The following RBFOX3 variants were observed in gnomAD, a reference collection of about 807,000 sequenced individuals.
RBFOX3 encodes the protein RNA binding fox-1 homolog 3, also known as RNA binding protein fox-1 homolog 3.
RBFOX3 carries 17 observed loss-of-function variants against 48.7 expected under a neutral mutation model. That is an observed-to-expected ratio of 0.35 (90% CI 0.24 to 0.52). RBFOX3 has a LOEUF of 0.52. Ranked by LOEUF, RBFOX3 falls within the 20% of genes least tolerant of loss-of-function variation. RBFOX3 has a pLI of 0.94. For missense variants in RBFOX3, 382 were observed against 497.5 expected, an observed-to-expected ratio of 0.77 and a Z score of 2.21; for synonymous variants, 212 against 209.5, an observed-to-expected ratio of 1.01 and a Z score of -0.10.
At chr17:79,142,575 C>T (rs887425924) in intron 4 of RBFOX3, among the ~76,000 whole-genome samples, 21 of 151,796 alleles carry the variant, frequency 1.4e-4, no homozygotes, top group Middle Eastern at 3.4e-3. Flanking sequence ...CAGCGGGGCA[C>T]GGTGGCGGGA....
intron 1 of RBFOX3, among the ~76,000 whole-genome samples, chr17:79,492,883 G>A (rs1386687100): frequency 1.9e-4 from 29 of 152,344 alleles, no homozygotes; most frequent in African/African-American, 5.1e-4. Context: ...AGAAAGGCCC[G>A]TGAGGAGGGA....
At position 79,495,476 on chromosome 17, in the gene RBFOX3, A is replaced by G. The variant is rs1180658947; in HGVS notation, c.-319-12878T>C. 4.9e-4 allele frequency among the ~76,000 whole-genome samples: 4 copies of G among 8,178 alleles called. No homozygotes were observed. In the South Asian group the frequency reaches 0.017, roughly 34 times the overall value. 5.4% of individuals were successfully genotyped at this position (8,178 alleles called of 152,430 possible). A position where few individuals can be genotyped will look rare whatever the true frequency, so the allele number is the denominator to read the frequency against. Reference sequence around the variant, plus strand: ...AGAGGGGACTGGGACAGGGGTGCAAAAAGGCAAGAAGGTGGGGGAGGGGTG... The same window carrying G: ...AGAGGGGACTGGGACAGGGGTGCAAGAAGGCAAGAAGGTGGGGGAGGGGTG... On this transcript the variant is annotated intron_variant, in intron 1 of 14. Coordinates refer to ENST00000693108, the MANE Select transcript of RBFOX3 (RefSeq NM_001350451.2).
chr17:79,096,752 C>T lies in RBFOX3; in HGVS notation c.837G>A (p.Pro279=). The change falls in exon 12 of 15, where the codon CCG becomes CCA. Residue 279 remains proline, a synonymous_variant. Transcript: ENST00000693108. ...CTGGAGAGGTGGGGTAGGCCGGCTC[C>T]GGTGTCTGCTGAGGAGGGAGGGGGC... The part of the protein sequence containing the change: ...APCPLPPQQT[P]EPAYPTSPAF... The T allele has an allele frequency of 2.0e-6, 3 of 1,493,164 alleles. No homozygotes were observed. Among genetic ancestry groups the T allele is most frequent in the Non-Finnish European group, 2.7e-6 (3 of 1,093,838 alleles). 92.5% of individuals were successfully genotyped at this position (1,493,164 alleles called of 1,614,324 possible). A position where few individuals can be genotyped will look rare whatever the true frequency, so the allele number is the denominator to read the frequency against.
chr17:79,613,803 G>A (rs1599295190), upstream of RBFOX3, among the ~76,000 whole-genome samples: 4 of 152,262 alleles, frequency 2.6e-5, no homozygotes, highest in East Asian at 5.8e-4. Flanking sequence ...GTGAAACGCC[G>A]TCTCTACTAA....
intron 4 of RBFOX3, among the ~76,000 whole-genome samples, chr17:79,231,691 A>T (rs1411752382): frequency 6.6e-6 from 1 of 152,250 alleles, no homozygotes; most frequent in Non-Finnish European, 1.5e-5. Flanking sequence ...TACCATTTTA[A>T]GAAGCATTAA....
chr17:79,402,846 CT>C lies in RBFOX3; in HGVS notation c.-175+79607del, dbSNP rs1390010266. Among the ~76,000 whole-genome samples, 3 of 152,294 alleles carry C rather than the reference CT, an allele frequency of 2.0e-5. No homozygotes were observed. The South Asian group carries it at 6.2e-4, about 32-fold the overall frequency. ...TGGATCCTCAGTTTTCTCATCTCTA[CT>C]ATGGGGGTGTGAGCAGTACCTACCC... On this transcript the variant is annotated intron_variant, in intron 2 of 14. Coordinates refer to ENST00000693108, the MANE Select transcript of RBFOX3 (RefSeq NM_001350451.2).
In RBFOX3 at chr17:79,204,333, C is replaced by T. The variant is rs994580443; in HGVS notation, c.-34+31433G>A. 1.3e-4 allele frequency among the ~76,000 whole-genome samples: 20 copies of T among 152,016 alleles called. No homozygotes were observed. Among genetic ancestry groups the T allele is most frequent in the African/African-American group, 4.6e-4 (19 of 41,382 alleles). Reference sequence around the variant, plus strand: ...GGAGCGGGTACACACCAGCGGGTGCCGGGGAGCAGGGGGCGTAGGTGGGGT... The same window carrying T: ...GGAGCGGGTACACACCAGCGGGTGCTGGGGAGCAGGGGGCGTAGGTGGGGT... On this transcript the variant is annotated intron_variant, in intron 4 of 14. Coordinates refer to ENST00000693108, the MANE Select transcript of RBFOX3 (RefSeq NM_001350451.2). The surrounding 1 kb of genome is among the most constrained non-coding windows in gnomAD (Gnocchi z 4.5).
At chr17:79,440,865 GCCT>G (rs1258469511) in intron 2 of RBFOX3, among the ~76,000 whole-genome samples, 1 of 152,136 alleles carries the variant, frequency 6.6e-6, no homozygotes, top group Non-Finnish European at 1.5e-5. Flanking sequence ...TCCCTCAGAG[GCCT>G]CCTGGTCTTC....
At chr17:79,140,128 G>C (rs533548554) in intron 4 of RBFOX3, among the ~76,000 whole-genome samples, 1 of 152,358 alleles carries the variant, frequency 6.6e-6, no homozygotes, top group South Asian at 2.1e-4. Flanking sequence ...AGCCTCGCAT[G>C]TCATTGACCA....
At chr17:79,236,408 C>T (rs2061642692) in intron 3 of RBFOX3, among the ~76,000 whole-genome samples, 1 of 152,104 alleles carries the variant, frequency 6.6e-6, no homozygotes, top group African/African-American at 2.4e-5. Flanking sequence ...TGTGCCTCAG[C>T]CGCCCTAGTA....
chr17:79,469,200 C>T lies in RBFOX3; in HGVS notation c.-175+13254G>A, dbSNP rs772400285. 3.0e-3 allele frequency among the ~76,000 whole-genome samples: 462 copies of T among 152,262 alleles called. 3 individuals are homozygous for T. Among genetic ancestry groups the T allele is most frequent in the Non-Finnish European group, 2.4e-3 (163 of 68,010 alleles). On this transcript the variant is annotated intron_variant, in intron 2 of 14. Transcript: ENST00000693108. ...TCCTTTATGGGTCATTCAGAAAGGT[C>T]GGTCCAGGTCTTGACATCGAGTTGG...
At chr17:79,398,663 C>T (rs751885313) in intron 2 of RBFOX3, among the ~76,000 whole-genome samples, 82 of 152,348 alleles carry the variant, frequency 5.4e-4, no homozygotes, top group Non-Finnish European at 9.8e-4. Context: ...GCGGCTCCCA[C>T]GTAGCAGCAG....
chr17:79,535,876 C>G lies in RBFOX3; in HGVS notation c.-319-53278G>C, dbSNP rs967698544. Among the ~76,000 whole-genome samples the G allele has an allele frequency of 5.9e-5, 9 of 152,160 alleles. No individual in the cohort carries two copies. Among genetic ancestry groups the G allele is most frequent in the Admixed American group, 2.6e-4 (4 of 15,286 alleles). On this transcript the variant is annotated intron_variant, in intron 1 of 14. Transcript: ENST00000693108. This position sits in a 1 kb window ranked among gnomAD's most constrained non-coding sequence, Gnocchi z 4.5. ...GCTCCCCCTCAGTCACAAACCCACTCCTGGTTTCCCTGCACCTCCCCCAGC... is the reference window on the plus strand; with the variant it reads ...GCTCCCCCTCAGTCACAAACCCACTGCTGGTTTCCCTGCACCTCCCCCAGC...
rs561547917 is a variant in RBFOX3, at chr17:79,089,487, G to T, written c.*1396C>A. On this transcript the variant is annotated 3_prime_UTR_variant, in exon 15 of 15. Coordinates refer to ENST00000693108, the MANE Select transcript of RBFOX3 (RefSeq NM_001350451.2). ...CCTGGGGATCTGAGTGAGTCGGGGG[G>T]TTGAGCTGCTGCAAGAAAAGGGTCC... 27 of 152,872 alleles carry T rather than the reference G, an allele frequency of 1.8e-4. No homozygotes were observed. In the South Asian group the frequency reaches 5.6e-3, roughly 32 times the overall value. 9.5% of individuals were successfully genotyped at this position (152,872 alleles called of 1,614,324 possible).
chr17:79,435,421 A>G (rs559189025), intron 2 of RBFOX3, among the ~76,000 whole-genome samples: 1 of 152,330 alleles, frequency 6.6e-6, no homozygotes, highest in Admixed American at 6.5e-5. Flanking sequence ...ATTCCAACAC[A>G]GGCTTGTCCC....
chr17:79,137,721 G>A (rs2040579464), intron 4 of RBFOX3, among the ~76,000 whole-genome samples: 2 of 152,230 alleles, frequency 1.3e-5, no homozygotes, highest in South Asian at 2.1e-4. Context: ...CATGGAAGAG[G>A]CGAGTGTGGA....
At chr17:79,125,354 T>C (rs1297656741) in intron 4 of RBFOX3, among the ~76,000 whole-genome samples, 2 of 152,166 alleles carry the variant, frequency 1.3e-5, no homozygotes, top group Non-Finnish European at 2.9e-5. Flanking sequence ...ATGGGGACAA[T>C]GACTCATCTG....
chr17:79,508,828 G>A (rs2083602285), intron 1 of RBFOX3: 2 of 152,552 alleles, frequency 1.3e-5, no homozygotes, highest in African/African-American at 4.8e-5. Flanking sequence ...CGGGCGGCAG[G>A]CGTCCATGCG....
intron 4 of RBFOX3, among the ~76,000 whole-genome samples, chr17:79,230,548 G>A (rs1055536160): frequency 1.3e-5 from 2 of 152,052 alleles, no homozygotes; most frequent in South Asian, 2.1e-4. Flanking sequence ...GGTGAGCCAC[G>A]GCACCCGGCT....
Sources: allele counts gnomAD v4.1 joint callset (sites outside exome capture counted in the v4.1 genomes callset), GRCh38; gene constraint gnomAD v4.1.1; non-coding constraint Gnocchi (gnomAD v3.1); transcripts MANE v1.5; gene names NCBI Gene and HGNC (gene_info 2026-07-23, HGNC 2026-07-21).